The following ARHGAP15 variants were observed in gnomAD, a reference collection of about 807,000 sequenced individuals.
ARHGAP15 encodes the protein Rho GTPase activating protein 15.
ARHGAP15 carries 51 observed loss-of-function variants against 63.7 expected under a neutral mutation model. The ratio of observed to expected loss-of-function variants is 0.80; its 90% CI spans 0.64 to 1.01. ARHGAP15 has a LOEUF of 1.01. Among genes scored for constraint, ARHGAP15 ranks in the 50% least tolerant of loss-of-function variants. The probability of loss-of-function intolerance (pLI) is 0.00; values close to 1 mark genes in which losing one functional copy is unlikely to be tolerated. For missense variants in ARHGAP15, 560 were observed against 564.6 expected (o/e 0.99, Z 0.08); for synonymous variants, 191 against 193.8 (o/e 0.99, Z 0.12).
chr2:143,225,257 A>G (rs528235472), intron 4 of ARHGAP15, among the ~76,000 whole-genome samples: 9 of 152,112 alleles, frequency 5.9e-5, no homozygotes, highest in Non-Finnish European at 1.0e-4. Flanking sequence ...CAGTTATTCA[A>G]AAAAATATGT....
intron 12 of ARHGAP15, among the ~76,000 whole-genome samples, chr2:143,687,696 T>TTTATC (rs1475730553): frequency 2.6e-5 from 4 of 152,206 alleles, no homozygotes; most frequent in African/African-American, 9.6e-5. Context: ...GTGCAAATAG[T>TTTATC]TTATCTTTCT....
intron 6 of ARHGAP15, among the ~76,000 whole-genome samples, chr2:143,367,266 A>G (rs1171412516): frequency 6.6e-6 from 1 of 152,134 alleles, no homozygotes; most frequent in African/African-American, 2.4e-5. Flanking sequence ...TTTGCTGTCA[A>G]TAAGTTATCT....
chr2:143,632,385 CAG>C (rs773093056), intron 12 of ARHGAP15, among the ~76,000 whole-genome samples: 3 of 152,002 alleles, frequency 2.0e-5, no homozygotes, highest in East Asian at 1.9e-4. Flanking sequence ...GCATAGGACA[CAG>C]AGATTAGGCA....
chr2:143,558,774 C>G (rs945945289), intron 11 of ARHGAP15, among the ~76,000 whole-genome samples: 6 of 152,150 alleles, frequency 3.9e-5, no homozygotes, highest in Admixed American at 1.3e-4. Flanking sequence ...AACTGGAAAG[C>G]ATTCAACTCT....
At chr2:143,201,429 C>A (rs1284284820) in intron 2 of ARHGAP15, among the ~76,000 whole-genome samples, 2 of 151,892 alleles carry the variant, frequency 1.3e-5, no homozygotes, top group Non-Finnish European at 2.9e-5. Flanking sequence ...TTTTAACACA[C>A]GTCTACAATG....
intron 6 of ARHGAP15, among the ~76,000 whole-genome samples, chr2:143,287,106 T>C (rs544919924): frequency 3.9e-5 from 6 of 152,294 alleles, no homozygotes; most frequent in Non-Finnish European, 5.9e-5. Context: ...ATTGAACAAA[T>C]GTATAATTCT....
chr2:143,222,576 A>G (rs1253922149), intron 4 of ARHGAP15, among the ~76,000 whole-genome samples: 2 of 152,212 alleles, frequency 1.3e-5, no homozygotes, highest in East Asian at 3.8e-4. Flanking sequence ...TTTCCAGATA[A>G]GCTGTTACAA....
In ARHGAP15 at chr2:143,292,381, T is replaced by C. The variant is rs74597689; in HGVS notation, c.474+41781T>C. 5.3e-3 allele frequency among the ~76,000 whole-genome samples: 800 copies of C among 152,262 alleles called. 9 individuals carry two copies. The East Asian group carries it at 0.066, about 12-fold the overall frequency. On this transcript the variant is annotated intron_variant, in intron 6 of 13. Coordinates refer to ENST00000295095, the MANE Select transcript of ARHGAP15 (RefSeq NM_018460.4). ...TTACTCAATTATTTTGATCCATTTA[T>C]ACCTTGAACTAAGGAAATAATTGGT...
At chr2:143,544,038 G>A (rs929049817) in intron 10 of ARHGAP15, among the ~76,000 whole-genome samples, 9 of 152,176 alleles carry the variant, frequency 5.9e-5, no homozygotes, top group Middle Eastern at 3.4e-3. Context: ...CTTTTTGTAC[G>A]AGTCCCAAAA....
At chr2:143,435,842 T>C in intron 7 of ARHGAP15, 143 bp downstream of exon 7, 1 of 838,940 alleles carries the variant, frequency 1.2e-6, no homozygotes, top group Non-Finnish European at 1.7e-6. Flanking sequence ...AAATAGAATC[T>C]ACTAAAAACC....
chr2:143,321,688 C>T (rs1478320829), intron 6 of ARHGAP15, among the ~76,000 whole-genome samples: 1 of 152,244 alleles, frequency 6.6e-6, no homozygotes, highest in African/African-American at 2.4e-5. Context: ...AGAGAGACAT[C>T]TATTACAATT....
At chr2:143,418,021 TAATAGG>T (rs1248043463) in intron 6 of ARHGAP15, among the ~76,000 whole-genome samples, 1 of 152,222 alleles carries the variant, frequency 6.6e-6, no homozygotes, top group Non-Finnish European at 1.5e-5. Context: ...AAACTCAAAC[TAATAGG>T]AATAGTATAT....
chr2:143,577,778 C>A (rs756951254), intron 11 of ARHGAP15, among the ~76,000 whole-genome samples: 3 of 152,130 alleles, frequency 2.0e-5, no homozygotes, highest in African/African-American at 7.2e-5. Context: ...AGGTAACAAG[C>A]CCCCTACATG....
chr2:143,349,494 A>G (rs1685461219), intron 6 of ARHGAP15, among the ~76,000 whole-genome samples: 1 of 152,192 alleles, frequency 6.6e-6, no homozygotes, highest in Admixed American at 6.5e-5. Flanking sequence ...TTCTAAAATA[A>G]TTCAGTTTCT....
chr2:143,519,131 A>G, intron 9 of ARHGAP15, 135 bp from the exon 10 acceptor site: 3 of 582,704 alleles, frequency 5.1e-6, no homozygotes, highest in South Asian at 3.8e-5. Context: ...TGCCATAGAC[A>G]CTATGGAAAT....
intron 12 of ARHGAP15, among the ~76,000 whole-genome samples, chr2:143,701,007 G>A (rs918243638): frequency 1.3e-5 from 2 of 151,674 alleles, no homozygotes; most frequent in South Asian, 2.1e-4. Context: ...TCTCTTTCTC[G>A]CTCCCCTTTG....
chr2:143,289,287 C>T (rs1246724348), intron 6 of ARHGAP15, among the ~76,000 whole-genome samples: 1 of 152,152 alleles, frequency 6.6e-6, no homozygotes. Context: ...ACCAACTATA[C>T]CAGGTTTGCT....
At chr2:143,725,094 G>A (rs534843943) in intron 13 of ARHGAP15, among the ~76,000 whole-genome samples, 154 of 152,252 alleles carry the variant, frequency 1.0e-3, no homozygotes, top group African/African-American at 3.5e-3. Flanking sequence ...TTTGTTGTTC[G>A]ATTATTGTTA....
chr2:143,664,413 A>G (rs1682031437), intron 12 of ARHGAP15, among the ~76,000 whole-genome samples: 1 of 152,064 alleles, frequency 6.6e-6, no homozygotes, highest in Admixed American at 6.5e-5. Context: ...GACACATTCA[A>G]AGCAGTGTGT....
Sources: gnomAD v4.1 joint callset for allele counts (sites outside exome capture counted in the v4.1 genomes callset) on GRCh38, gnomAD v4.1.1 for gene constraint, MANE v1.5 for transcripts, NCBI Gene and HGNC (gene_info 2026-07-23, HGNC 2026-07-21) for gene names.